Variants in PDGFC observed in about 807,000 individuals in gnomAD.
PDGFC encodes the protein platelet derived growth factor C, also known as platelet-derived growth factor C.
PDGFC carries 12 observed loss-of-function variants against 35.5 expected under a neutral mutation model. The observed-to-expected ratio is 0.34, with a 90% confidence interval of 0.22 to 0.55. The LOEUF is 0.55. Ranked by LOEUF, PDGFC falls within the 20% of genes least tolerant of loss-of-function variation. The probability of loss-of-function intolerance (pLI) is 0.91; values close to 1 mark genes in which losing one functional copy is unlikely to be tolerated. For synonymous variants in PDGFC, 159 were observed against 148.8 expected (o/e 1.07, Z -0.50); for missense variants, 322 against 412.4 (o/e 0.78, Z 1.90).
intron 1 of PDGFC, among the ~76,000 whole-genome samples, chr4:156,884,051 T>C (rs1274214529): frequency 6.6e-6 from 1 of 152,192 alleles, no homozygotes; most frequent in Non-Finnish European, 1.5e-5. Flanking sequence ...TAAAAGCAAC[T>C]ATTCTTCTCT....
At chr4:156,861,474 T>G (rs775643715) in intron 1 of PDGFC, 1 of 1,258,808 alleles carries the variant, frequency 7.9e-7, no homozygotes. Flanking sequence ...TCCAGATGCT[T>G]GGATATAGTT....
chr4:156,945,297 C>A (rs1228290498), intron 1 of PDGFC, among the ~76,000 whole-genome samples: 3 of 140,426 alleles, frequency 2.1e-5, no homozygotes, highest in Non-Finnish European at 4.6e-5. Context: ...ATAGACATCT[C>A]TTAATATTTT....
intron 5 of PDGFC, 96 bp downstream of exon 5, chr4:156,767,677 C>T (rs563511544): frequency 1.9e-4 from 141 of 751,584 alleles, no homozygotes; most frequent in East Asian, 7.2e-4. Context: ...ATGAATACTA[C>T]GTCTTTTTTC....
intron 1 of PDGFC, among the ~76,000 whole-genome samples, chr4:156,968,684 G>A (rs1732521350): frequency 6.6e-6 from 1 of 152,068 alleles, no homozygotes; most frequent in Admixed American, 6.6e-5. Flanking sequence ...TTGCCCCCTA[G>A]TGCTGGCCAG....
chr4:156,958,317 T>C (rs1479790429), intron 1 of PDGFC, among the ~76,000 whole-genome samples: 3 of 150,756 alleles, frequency 2.0e-5, no homozygotes, highest in Non-Finnish European at 4.4e-5. Flanking sequence ...ATCAAGTTAC[T>C]CATTTAAAAA....
At chr4:156,801,610 A>G (rs1229958129) in intron 3 of PDGFC, among the ~76,000 whole-genome samples, 1 of 152,228 alleles carries the variant, frequency 6.6e-6, no homozygotes. Flanking sequence ...CTTGGCACAT[A>G]CTATGTCCTT....
intron 1 of PDGFC, among the ~76,000 whole-genome samples, chr4:156,864,517 T>C (rs1729788775): frequency 6.6e-6 from 1 of 152,184 alleles, no homozygotes; most frequent in African/African-American, 2.4e-5. Context: ...AAAACGTGTA[T>C]ACTAATCATT....
chr4:156,788,944 T>A (rs1286773124), intron 3 of PDGFC, among the ~76,000 whole-genome samples: 1 of 152,200 alleles, frequency 6.6e-6, no homozygotes, highest in Non-Finnish European at 1.5e-5. Context: ...GTGCTACTGC[T>A]ATTCATAATT....
intron 1 of PDGFC, among the ~76,000 whole-genome samples, chr4:156,953,199 C>T (rs751844743): frequency 4.0e-5 from 6 of 151,892 alleles, no homozygotes; most frequent in Non-Finnish European, 5.9e-5. Flanking sequence ...ACGAGAAAGC[C>T]TCCCTTCTTG....
chr4:156,936,221 A>ATCT (rs1404834665), intron 1 of PDGFC, among the ~76,000 whole-genome samples: 4 of 152,202 alleles, frequency 2.6e-5, no homozygotes, highest in African/African-American at 9.6e-5. Flanking sequence ...TTCAAAAAGT[A>ATCT]TCTTTCTTCA....
In PDGFC at chr4:156,762,360, G is replaced by A. The variant is rs1183201687; in HGVS notation, c.*730C>T. ...AAGCCAACAGTTATAATGTCAAAAG[G>A]AGAATATAAAAATGTACACAATGAA... On this transcript the variant is annotated 3_prime_UTR_variant, in exon 6 of 6. Transcript: ENST00000502773. The A allele has an allele frequency of 2.0e-5, 3 of 152,624 alleles. No homozygotes were observed. The East Asian group carries it at 5.8e-4, about 29-fold the overall frequency. 9.5% of individuals were successfully genotyped at this position (152,624 alleles called of 1,614,324 possible).
intron 1 of PDGFC, among the ~76,000 whole-genome samples, chr4:156,921,890 TGAC>T (rs1731291422): frequency 6.6e-6 from 1 of 152,034 alleles, no homozygotes. Flanking sequence ...TCATTCACAC[TGAC>T]AACACACACA....
At chr4:156,812,037 T>C (rs1397169667) in intron 2 of PDGFC, among the ~76,000 whole-genome samples, 1 of 152,082 alleles carries the variant, frequency 6.6e-6, no homozygotes, top group Non-Finnish European at 1.5e-5. Flanking sequence ...ATCTCATGTA[T>C]AAACGCATAT....
chr4:156,900,997 T>C (rs1347830745), intron 1 of PDGFC, among the ~76,000 whole-genome samples: 1 of 150,454 alleles, frequency 6.6e-6, no homozygotes, highest in Non-Finnish European at 1.5e-5. Flanking sequence ...GAGAAGTGAG[T>C]GTACAAAAGA....
intron 1 of PDGFC, among the ~76,000 whole-genome samples, chr4:156,922,866 T>C (rs935598505): frequency 2.6e-5 from 4 of 152,096 alleles, no homozygotes; most frequent in Non-Finnish European, 5.9e-5. Flanking sequence ...ACATCGTAGT[T>C]ACTCTGACAG....
intron 1 of PDGFC, among the ~76,000 whole-genome samples, chr4:156,887,257 A>T (rs1307404659): frequency 2.0e-5 from 3 of 152,184 alleles, no homozygotes; most frequent in African/African-American, 7.2e-5. Flanking sequence ...TATAATAATT[A>T]TCTACATAGA....
chr4:156,879,267 G>GTTAT (rs1466502406), intron 1 of PDGFC, among the ~76,000 whole-genome samples: 1 of 152,080 alleles, frequency 6.6e-6, no homozygotes, highest in Admixed American at 6.5e-5. Context: ...ACTAATTAAT[G>GTTAT]TTATCTTCAC....
intron 3 of PDGFC, among the ~76,000 whole-genome samples, chr4:156,806,793 T>C (rs1731781722): frequency 6.6e-6 from 1 of 152,042 alleles, no homozygotes; most frequent in South Asian, 2.1e-4. Context: ...CTTATCATTT[T>C]AAATAATGGT....
chr4:156,865,186 G>GCGCACACACA (rs71602286), intron 1 of PDGFC, among the ~76,000 whole-genome samples: 20 of 146,676 alleles, frequency 1.4e-4, no homozygotes, highest in Non-Finnish European at 6.0e-5. Context: ...AGATACATGT[G>GCGCACACACA]CACACACACA....
Sources: gnomAD v4.1 joint callset for allele counts (sites outside exome capture counted in the v4.1 genomes callset) on GRCh38, gnomAD v4.1.1 for gene constraint, MANE v1.5 for transcripts, NCBI Gene and HGNC (gene_info 2026-07-23, HGNC 2026-07-21) for gene names.